The following ALKBH4 variants were observed in gnomAD, a reference collection of about 807,000 sequenced individuals.
The protein encoded by ALKBH4 is alkB homolog 4, lysine demethylase, also known as alpha-ketoglutarate-dependent dioxygenase alkB homolog 4.
ALKBH4 carries 8 observed loss-of-function variants against 12.1 expected under a neutral mutation model. The ratio of observed to expected loss-of-function variants is 0.66; its 90% CI spans 0.39 to 1.19. ALKBH4 has a LOEUF of 1.19. Ranked by LOEUF, ALKBH4 falls within the 50% of genes most tolerant of loss-of-function variation. The pLI, the probability that ALKBH4 is intolerant of heterozygous loss-of-function variation, is 0.01. For missense variants in ALKBH4, 403 were observed against 430.4 expected (o/e 0.94, Z 0.56); for synonymous variants, 195 against 191.6 (o/e 1.02, Z -0.15).
chr7:102,458,155 C>T (rs1563648385), intron 2 of ALKBH4, among the ~76,000 whole-genome samples, 174 bp from the exon 3 acceptor site: 2 of 152,048 alleles, frequency 1.3e-5, no homozygotes, highest in Non-Finnish European at 2.9e-5. Context: ...AGCAAATGGC[C>T]GGGCATGGTG....
chr7:102,458,696 T>C (rs1158049071), intron 2 of ALKBH4, among the ~76,000 whole-genome samples: 1 of 145,388 alleles, frequency 6.9e-6, no homozygotes, highest in Non-Finnish European at 1.5e-5. Flanking sequence ...CAATATCACA[T>C]ATTGCACTCC....
At position 102,463,163 on chromosome 7, in the gene ALKBH4, C is replaced by A. The variant is rs182024783; in HGVS notation, c.123+1551G>T. ...GTGGGATTTCACCATGTTGCCCATG[C>A]TGGTCTCAAACTCCTGGGCTCTGGC... On this transcript the variant is annotated intron_variant, in intron 1 of 2. Transcript: ENST00000292566. Among the ~76,000 whole-genome samples, 61 of 151,856 alleles carry A rather than the reference C, an allele frequency of 4.0e-4. 1 individual carries two copies. Among genetic ancestry groups the A allele is most frequent in the Admixed American group, 4.0e-3 (61 of 15,220 alleles).
Position 102,459,700 on chromosome 7 carries a change from C to T in ALKBH4, c.225G>A (p.Leu75=), listed in dbSNP as rs1169800189. The change falls in exon 2 of 3, where the codon CTG becomes CTA. Residue 75 remains leucine (L), a synonymous_variant. Transcript: ENST00000292566. ...GWAFPFPGVM[L]IEDFVTREEE... is the part of the protein sequence containing the mutation. ...CCTCCCGGGTCACAAAGTCCTCGAT[C>T]AGCATCACTCCTGGGAAGGGGAAGG... 4.3e-6 allele frequency: 7 copies of T among 1,614,216 alleles called. No homozygotes were observed. Among genetic ancestry groups the T allele is most frequent in the Admixed American group, 1.7e-5 (1 of 60,018 alleles).
intron 1 of ALKBH4, among the ~76,000 whole-genome samples, chr7:102,464,044 C>CT (rs1012002485): frequency 6.6e-6 from 1 of 151,962 alleles, no homozygotes; most frequent in Non-Finnish European, 1.5e-5. Context: ...GACCTCCCCC[C>CT]CCCCACAACC....
intron 1 of ALKBH4, 125 bp from the exon 2 acceptor site, chr7:102,459,926 G>C (rs1042413607): frequency 1.2e-6 from 1 of 820,622 alleles, no homozygotes; most frequent in African/African-American, 1.7e-5. Flanking sequence ...GGCCGAGGTG[G>C]GTGGATCACC....
chr7:102,464,396 C>T (rs1055715691), intron 1 of ALKBH4, among the ~76,000 whole-genome samples: 1 of 152,152 alleles, frequency 6.6e-6, no homozygotes, highest in Non-Finnish European at 1.5e-5. Context: ...ATTCAGCACC[C>T]TCGATCGACC....
intron 1 of ALKBH4, among the ~76,000 whole-genome samples, chr7:102,464,001 C>T (rs1361867711): frequency 6.6e-6 from 1 of 152,100 alleles, no homozygotes; most frequent in African/African-American, 2.4e-5. Context: ...GTCCAGCCTG[C>T]TCAGCTGATG....
intron 2 of ALKBH4, among the ~76,000 whole-genome samples, chr7:102,458,785 T>C (rs1178267628): frequency 6.8e-6 from 1 of 146,052 alleles, no homozygotes; most frequent in African/African-American, 2.5e-5. Flanking sequence ...AGCCAAAAAG[T>C]GACAACAACG....
rs1299513271 is a variant in ALKBH4 at position 102,457,145 on chromosome 7, C to A, written c.*249G>T. On this transcript the variant is annotated 3_prime_UTR_variant, in exon 3 of 3. Transcript: ENST00000292566. This position sits in a 1 kb window ranked among gnomAD's most constrained non-coding sequence, Gnocchi z 5.9. ...TGCCCGGCCCCCAGTATTTTTTAAG[C>A]TCAAATGATCCCATGTCCCCAAGAC... The A allele has an allele frequency of 8.8e-6, 4 of 455,698 alleles. No individual in the cohort carries two copies. Among genetic ancestry groups the A allele is most frequent in the African/African-American group, 2.0e-5 (1 of 50,256 alleles). 28.2% of individuals were successfully genotyped at this position (455,698 alleles called of 1,614,324 possible). A position where few individuals can be genotyped will look rare whatever the true frequency, so the allele number is the denominator to read the frequency against.
Position 102,456,329 on chromosome 7 carries a change from C to T in ALKBH4, c.*1065G>A, listed in dbSNP as rs546513349. On this transcript the variant is annotated 3_prime_UTR_variant, in exon 3 of 3. Transcript: ENST00000292566. ...GGTATGATCATGAGCTCACTGCAGC[C>T]TTGACATGGTGGTAAAGCCATCCTC... 2.6e-5 allele frequency: 4 copies of T among 152,956 alleles called. No homozygotes were observed. Among genetic ancestry groups the T allele is most frequent in the Admixed American group, 1.3e-4 (2 of 15,290 alleles). The allele number at this position is 152,956 out of a possible 1,614,324, so 9.5% of individuals were successfully genotyped here.
At chr7:102,459,446 C>G in intron 2 of ALKBH4, 158 bp downstream of exon 2, 1 of 843,342 alleles carries the variant, frequency 1.2e-6, no homozygotes, top group Non-Finnish European at 1.8e-6. Context: ...CGTCCTGCAG[C>G]GAGTCTGGCT....
intron 2 of ALKBH4, 127 bp downstream of exon 2, chr7:102,459,477 G>A (rs1187655301): frequency 1.7e-6 from 2 of 1,205,352 alleles, no homozygotes; most frequent in Admixed American, 4.8e-5. Context: ...CCAAGGTCTG[G>A]GGAACTCGCC....
rs937942031 is a variant in ALKBH4 at position 102,462,910 on chromosome 7, C to T, written c.123+1804G>A. 4.0e-5 allele frequency among the ~76,000 whole-genome samples: 6 copies of T among 151,196 alleles called. 1 individual carries two copies. Among genetic ancestry groups the T allele is most frequent in the Middle Eastern group, 3.5e-3 (1 of 288 alleles). ...TGTGACTGCTTCCTTAACTTAGCAT[C>T]GTGTCCCCAAGGTTCGTCCATGCTG... is the stretch of plus-strand genomic sequence containing the variant. On this transcript the variant is annotated intron_variant, in intron 1 of 2. Transcript: ENST00000292566.
intron 1 of ALKBH4, 109 bp downstream of exon 1, chr7:102,464,605 A>G (rs773204500): frequency 2.7e-5 from 37 of 1,395,118 alleles, no homozygotes; most frequent in Non-Finnish European, 3.4e-5. Flanking sequence ...CCCTACCGTA[A>G]GGGTCCCTCA....
rs1373556790 is a variant in ALKBH4, at chr7:102,459,819, G to A, written c.124-18C>T. 2 of 1,574,836 alleles carry A rather than the reference G, an allele frequency of 1.3e-6. No homozygotes were observed. The highest frequency in any genetic ancestry group is 1.7e-6 in the Non-Finnish European group (2 of 1,158,960). ...TATGTTTTCTGCAAAAGAAACACAA[G>A]TCCACAGGCTGGGCAACACAGCGAG... On this transcript the variant is annotated intron_variant, in intron 1 of 2. Transcript: ENST00000292566.
intron 1 of ALKBH4, among the ~76,000 whole-genome samples, chr7:102,462,093 C>G (rs557650786): frequency 6.6e-6 from 1 of 152,366 alleles, no homozygotes; most frequent in African/African-American, 2.4e-5. Flanking sequence ...AACTGGGAGT[C>G]CCCCGTGTGT....
intron 1 of ALKBH4, among the ~76,000 whole-genome samples, chr7:102,460,147 C>CA (rs55976687): frequency 0.53 from 70,277 of 132,910 alleles, 18,929 homozygotes; most frequent in Middle Eastern, 0.64. Context: ...GAGTGAGACT[C>CA]AAAAAAAAAA....
intron 1 of ALKBH4, among the ~76,000 whole-genome samples, chr7:102,460,919 C>G (rs543503727): frequency 6.6e-6 from 1 of 152,252 alleles, no homozygotes; most frequent in South Asian, 2.1e-4. Flanking sequence ...CTTTCCAGAC[C>G]CAGCATCACC....
intron 2 of ALKBH4, among the ~76,000 whole-genome samples, 192 bp from the exon 3 acceptor site, chr7:102,458,173 C>A (rs1361610071): frequency 6.6e-6 from 1 of 152,090 alleles, no homozygotes; most frequent in Non-Finnish European, 1.5e-5. Flanking sequence ...GTGGTGCATG[C>A]CTGTAATCCC....
Sources: gnomAD v4.1 joint callset for allele counts (sites outside exome capture counted in the v4.1 genomes callset) on GRCh38, gnomAD v4.1.1 for gene constraint, Gnocchi (gnomAD v3.1) non-coding constraint, MANE v1.5 for transcripts, NCBI Gene and HGNC (gene_info 2026-07-23, HGNC 2026-07-21) for gene names.